IL19: variants seen among roughly 807,000 people sequenced by gnomAD.
The protein encoded by IL19 is interleukin-19.
In IL19, 15 loss-of-function variants were observed where a neutral mutation model predicts 19.5. The ratio of observed to expected loss-of-function variants is 0.77; its 90% CI spans 0.52 to 1.19. The LOEUF is 1.19. Ranked by LOEUF, IL19 falls within the 50% of genes most tolerant of loss-of-function variation. IL19 has a pLI of 0.00. For missense variants in IL19, 199 were observed against 213.1 expected, an observed-to-expected ratio of 0.93 and a Z score of 0.41; for synonymous variants, 78 against 78.3, an observed-to-expected ratio of 1.00 and a Z score of 0.02.
intron 2 of IL19, among the ~76,000 whole-genome samples, chr1:206,801,592 A>G (rs1317182764): frequency 6.6e-6 from 1 of 152,178 alleles, no homozygotes; most frequent in Non-Finnish European, 1.5e-5. Context: ...CCTTCCGGTC[A>G]AAGTTCTGTG....
intron 2 of IL19, among the ~76,000 whole-genome samples, chr1:206,800,727 G>A (rs1301264718): frequency 1.3e-5 from 2 of 152,236 alleles, no homozygotes; most frequent in Admixed American, 1.3e-4. Flanking sequence ...TCTGGAGGAA[G>A]GTGAGACATT....
chr1:206,808,654 C>A (rs765185382), intron 2 of IL19, among the ~76,000 whole-genome samples: 2 of 152,034 alleles, frequency 1.3e-5, no homozygotes, highest in African/African-American at 4.8e-5. Flanking sequence ...CAAGAAAACT[C>A]GCGGTAGGTT....
At chr1:206,771,831 C>T (rs572250129) in intron 1 of IL19, among the ~76,000 whole-genome samples, 1 of 152,342 alleles carries the variant, frequency 6.6e-6, no homozygotes, top group South Asian at 2.1e-4. Flanking sequence ...TAAGAAGCTC[C>T]TTCTAATGCA....
chr1:206,839,879 C>T lies in IL19; in HGVS notation c.240C>T (p.Asn80=), dbSNP rs141660098. The change falls in exon 5 of 7, where the codon AAC becomes AAT. Residue 80 remains asparagine, a synonymous_variant. Transcript: ENST00000659997. ...TAGATGTGTGCTGCGTGACCAAGAA[C>T]CTCCTGGCGTTCTACGTGGACAGGG... ...KPLDVCCVTK[N]LLAFYVDRVF... 2.5e-6 allele frequency: 4 copies of T among 1,614,028 alleles called. No individual in the cohort carries two copies. Among genetic ancestry groups the T allele is most frequent in the Middle Eastern group, 3.3e-4 (2 of 6,062 alleles).
At chr1:206,785,727 A>G (rs955188818) in intron 1 of IL19, among the ~76,000 whole-genome samples, 1 of 152,220 alleles carries the variant, frequency 6.6e-6, no homozygotes, top group Non-Finnish European at 1.5e-5. Context: ...TATGTCCAGT[A>G]GGAGAAAGAA....
chr1:206,798,076 G>T (rs1418651302), intron 1 of IL19, among the ~76,000 whole-genome samples: 1 of 152,176 alleles, frequency 6.6e-6, no homozygotes, highest in African/African-American at 2.4e-5. Flanking sequence ...AGGAAGCATG[G>T]CACACCTGCT....
chr1:206,824,370 G>A (rs980053642), intron 2 of IL19, among the ~76,000 whole-genome samples: 4 of 152,212 alleles, frequency 2.6e-5, no homozygotes, highest in African/African-American at 9.6e-5. Flanking sequence ...TGTGAAAAAT[G>A]CCCTGGAGAT....
In IL19 at chr1:206,811,517, C is replaced by T. The variant is rs371580028; in HGVS notation, c.-3+12511C>T. ...TTTCATTCTATTTCCAGACCTAGGC[C>T]AGTTCCAGACTTAGAATCTCTTGAT... is the stretch of plus-strand genomic sequence containing the variant. On this transcript the variant is annotated intron_variant, in intron 2 of 6. Coordinates refer to ENST00000659997, the MANE Select transcript of IL19 (RefSeq NM_153758.5). Among the ~76,000 whole-genome samples, 13 of 151,766 alleles carry T rather than the reference C, an allele frequency of 8.6e-5. No individual in the cohort carries two copies. The East Asian group carries it at 1.9e-3, about 23-fold the overall frequency.
chr1:206,804,924 T>C (rs1326032136), intron 2 of IL19, among the ~76,000 whole-genome samples: 2 of 152,220 alleles, frequency 1.3e-5, no homozygotes, highest in Non-Finnish European at 2.9e-5. Flanking sequence ...TTTAGAAGAA[T>C]CCACCAGACT....
intron 2 of IL19, among the ~76,000 whole-genome samples, chr1:206,799,920 C>T (rs182649809): frequency 3.3e-5 from 5 of 152,292 alleles, no homozygotes; most frequent in Non-Finnish European, 5.9e-5. Context: ...ATCTTGTGTA[C>T]TATTATTTTT....
chr1:206,788,815 G>A (rs577893605), intron 1 of IL19, among the ~76,000 whole-genome samples: 6 of 152,310 alleles, frequency 3.9e-5, no homozygotes, highest in East Asian at 3.9e-4. Context: ...ATTCCATAGC[G>A]GTTTCTCTTA....
At chr1:206,840,754 T>C (rs1558624635) in intron 5 of IL19, 10 of 501,062 alleles carry the variant, frequency 2.0e-5, no homozygotes, top group Non-Finnish European at 3.6e-5. Flanking sequence ...ATAAGACAGA[T>C]ATGGTGCCTG....
chr1:206,827,226 A>G (rs1277155655), intron 2 of IL19, among the ~76,000 whole-genome samples: 1 of 152,174 alleles, frequency 6.6e-6, no homozygotes, highest in South Asian at 2.1e-4. Context: ...GGAAACAAAA[A>G]GTTGTCAGGA....
chr1:206,787,966 A>G (rs1349511480), intron 1 of IL19, among the ~76,000 whole-genome samples: 3 of 152,164 alleles, frequency 2.0e-5, no homozygotes, highest in Non-Finnish European at 2.9e-5. Context: ...ATTCATAGCC[A>G]TGGGAATCCG....
chr1:206,792,424 C>A (rs1177084452), intron 1 of IL19, among the ~76,000 whole-genome samples: 1 of 152,034 alleles, frequency 6.6e-6, no homozygotes, highest in Non-Finnish European at 1.5e-5. Context: ...TCTGATTGAC[C>A]CTTTGTGGTT....
At chr1:206,813,928 T>C (rs1222017732) in intron 2 of IL19, among the ~76,000 whole-genome samples, 1 of 152,222 alleles carries the variant, frequency 6.6e-6, no homozygotes, top group Admixed American at 6.5e-5. Flanking sequence ...TTCTCAAGAC[T>C]GCAAATTAGC....
At chr1:206,775,626 T>C (rs1012891797) in intron 1 of IL19, among the ~76,000 whole-genome samples, 2 of 152,218 alleles carry the variant, frequency 1.3e-5, no homozygotes, top group Admixed American at 6.5e-5. Context: ...GTCCTTATAT[T>C]GACAAAGCAA....
At chr1:206,842,355 T>C (rs949807430) in intron 6 of IL19, among the ~76,000 whole-genome samples, 172 bp from the exon 7 acceptor site, 2 of 152,148 alleles carry the variant, frequency 1.3e-5, no homozygotes, top group African/African-American at 4.8e-5. Context: ...GGAAAAAAAT[T>C]GGTTGCCTGC....
intron 1 of IL19, among the ~76,000 whole-genome samples, chr1:206,798,424 T>G (rs1675581868): frequency 6.6e-6 from 1 of 151,796 alleles, no homozygotes; most frequent in Non-Finnish European, 1.5e-5. Flanking sequence ...CAAAGGAAAG[T>G]GGGATTTAAT....
Sources: allele counts gnomAD v4.1 joint callset (sites outside exome capture counted in the v4.1 genomes callset), GRCh38; gene constraint gnomAD v4.1.1; transcripts MANE v1.5; gene names NCBI Gene and HGNC (gene_info 2026-07-23, HGNC 2026-07-21).